PPA2: variants seen among roughly 807,000 people sequenced by gnomAD.
PPA2 encodes the protein inorganic pyrophosphatase 2, mitochondrial.
A neutral mutation model predicts 49.5 loss-of-function variants in PPA2; 48 were observed. The ratio of observed to expected loss-of-function variants is 0.97; its 90% CI spans 0.77 to 1.23. PPA2 has a LOEUF of 1.23. PPA2 is among the 50% of genes most tolerant of loss of function. The probability of loss-of-function intolerance (pLI) is 0.00; values close to 1 mark genes in which losing one functional copy is unlikely to be tolerated. For missense variants in PPA2, 429 were observed against 410.1 expected, an observed-to-expected ratio of 1.05 and a Z score of -0.40; for synonymous variants, 131 against 139.9, an observed-to-expected ratio of 0.94 and a Z score of 0.45.
At chr4:105,398,906 T>C (rs1734249083) in intron 8 of PPA2, 131 bp downstream of exon 8, 1 of 762,584 alleles carries the variant, frequency 1.3e-6, no homozygotes, top group Non-Finnish European at 1.9e-6. Context: ...TGTTTTTAAA[T>C]ATGTAAGTTA....
chr4:105,456,241 C>A, intron 2 of PPA2: 1 of 475,848 alleles, frequency 2.1e-6, no homozygotes, highest in Non-Finnish European at 4.2e-6. Context: ...CTAGCTCTGG[C>A]ACTTACCAGA....
chr4:105,381,032 T>C (rs547519657), intron 10 of PPA2, among the ~76,000 whole-genome samples: 16 of 152,254 alleles, frequency 1.1e-4, no homozygotes, highest in African/African-American at 3.6e-4. Flanking sequence ...AGCTTCCCTT[T>C]CTTCACTTGC....
In PPA2 at chr4:105,473,881, G is replaced by C. The variant is rs781353604; in HGVS notation, c.157+13C>G. 199 of 1,586,918 alleles carry C rather than the reference G, an allele frequency of 1.3e-4. No individual in the cohort carries two copies. The highest frequency in any genetic ancestry group is 4.3e-4 in the Admixed American group (24 of 56,204). On this transcript the variant is annotated intron_variant, in intron 1 of 11. Coordinates refer to ENST00000341695, the MANE Select transcript of PPA2 (RefSeq NM_176869.3). ...CCGGTGCGCCGCTCGGCGAACCTCC[G>C]GGAGCTACTTACTAAAGAAGAGGCG...
chr4:105,429,801 C>T (rs1723713858), intron 6 of PPA2, among the ~76,000 whole-genome samples: 1 of 152,126 alleles, frequency 6.6e-6, no homozygotes, highest in Non-Finnish European at 1.5e-5. Flanking sequence ...TTTTAACAAA[C>T]CACATTTATC....
chr4:105,370,657 T>C, intron 11 of PPA2, 180 bp downstream of exon 11: 1 of 950,568 alleles, frequency 1.1e-6, no homozygotes, highest in Non-Finnish European at 1.3e-6. Flanking sequence ...GCATTCTCCT[T>C]ATTTTCTGAG....
At chr4:105,473,741 C>G (rs1283817407) in intron 1 of PPA2, 153 bp downstream of exon 1, 2 of 1,147,240 alleles carry the variant, frequency 1.7e-6, no homozygotes, top group Admixed American at 1.8e-5. Context: ...CGCGCTCCCG[C>G]GGGAAGTAAG....
At chr4:105,370,738 A>T in intron 11 of PPA2, 99 bp downstream of exon 11, 1 of 1,245,122 alleles carries the variant, frequency 8.0e-7, no homozygotes. Flanking sequence ...ACAGCTTTTC[A>T]ATTTATCTAT....
At chr4:105,400,082 C>T (rs1358032121) in intron 7 of PPA2, among the ~76,000 whole-genome samples, 1 of 152,056 alleles carries the variant, frequency 6.6e-6, no homozygotes, top group East Asian at 1.9e-4. Flanking sequence ...CTTTATTTTG[C>T]TTCAGAATGG....
At chr4:105,447,320 A>T (rs774793619) in intron 4 of PPA2, among the ~76,000 whole-genome samples, 1 of 152,200 alleles carries the variant, frequency 6.6e-6, no homozygotes, top group South Asian at 2.1e-4. Context: ...GTTCTCACCT[A>T]TATGTGGAAT....
At chr4:105,427,616 T>G (rs1475688008) in intron 6 of PPA2, among the ~76,000 whole-genome samples, 2 of 151,896 alleles carry the variant, frequency 1.3e-5, no homozygotes, top group African/African-American at 4.8e-5. Flanking sequence ...GAAGATCAAA[T>G]TAATGAAATA....
intron 1 of PPA2, among the ~76,000 whole-genome samples, chr4:105,468,479 T>C (rs960329019): frequency 2.0e-5 from 3 of 152,318 alleles, no homozygotes; most frequent in African/African-American, 4.8e-5. Flanking sequence ...TGATAGGTCA[T>C]ATGAGGACTT....
intron 2 of PPA2, 99 bp from the exon 3 acceptor site, chr4:105,453,741 A>G: frequency 1.2e-6 from 1 of 853,072 alleles, no homozygotes; most frequent in African/African-American, 1.7e-5. Flanking sequence ...GACATTCTAC[A>G]CAAAGACTGT....
chr4:105,469,658 T>C (rs1423233735), intron 1 of PPA2, among the ~76,000 whole-genome samples: 3 of 152,228 alleles, frequency 2.0e-5, no homozygotes, highest in African/African-American at 4.8e-5. Flanking sequence ...CTCTGTTCCA[T>C]ATAGATCACA....
At chr4:105,457,042 T>TAA (rs771441019) in intron 1 of PPA2, among the ~76,000 whole-genome samples, 1 of 145,390 alleles carries the variant, frequency 6.9e-6, no homozygotes, top group Non-Finnish European at 1.5e-5. Context: ...AAATACATAT[T>TAA]AAAAAAAAAA....
In PPA2 at chr4:105,446,485, T is replaced by C. The variant is rs1722391534; in HGVS notation, c.339A>G (p.Pro113=). The C allele has an allele frequency of 6.2e-7, 1 of 1,603,464 alleles. No individual in the cohort carries two copies. ...NAKMEIATKE[P]MNPIKQYVKD... ...TTACATATTGTTTAATGGGATTCAT[T>C]GGCTCCTTGGTGGCAATCTAAGCAA... The change falls in exon 5 of 12, where the codon CCA becomes CCG. Residue 113 remains proline (P), a synonymous_variant. Transcript: ENST00000341695.
At chr4:105,405,738 C>T (rs556349338) in intron 7 of PPA2, 795 of 725,698 alleles carry the variant, frequency 1.1e-3, no homozygotes, top group Non-Finnish European at 1.5e-3. Context: ...ACCTTATAAA[C>T]AGATTAACAT....
chr4:105,413,127 T>G (rs1722838857), intron 7 of PPA2, among the ~76,000 whole-genome samples: 1 of 152,160 alleles, frequency 6.6e-6, no homozygotes, highest in South Asian at 2.1e-4. Flanking sequence ...GTGGCACATA[T>G]ACACCATGGA....
chr4:105,400,231 GC>G (rs773060178), intron 7 of PPA2, among the ~76,000 whole-genome samples: 17 of 152,180 alleles, frequency 1.1e-4, no homozygotes, highest in Non-Finnish European at 2.1e-4. Flanking sequence ...GGGATGTTTT[GC>G]AAAAATTAAT....
chr4:105,374,881 G>A (rs1454965860), intron 10 of PPA2, among the ~76,000 whole-genome samples: 8 of 148,034 alleles, frequency 5.4e-5, no homozygotes, highest in Middle Eastern at 3.5e-3. Context: ...TTTTAGAGAC[G>A]GGGTTTTACC....
Sources: allele counts gnomAD v4.1 joint callset (sites outside exome capture counted in the v4.1 genomes callset), GRCh38; gene constraint gnomAD v4.1.1; transcripts MANE v1.5; gene names NCBI Gene and HGNC (gene_info 2026-07-23, HGNC 2026-07-21).